Variants in TRAPPC10 observed in about 807,000 individuals in gnomAD.
TRAPPC10 encodes the protein trafficking protein particle complex subunit 10.
A neutral mutation model predicts 125.5 loss-of-function variants in TRAPPC10; 23 were observed. The ratio of observed to expected loss-of-function variants is 0.18; its 90% CI spans 0.13 to 0.26. The LOEUF is 0.26. TRAPPC10 is among the 10% of genes least tolerant of loss of function. The pLI is 1.00. For synonymous variants in TRAPPC10, 509 were observed against 518.0 expected, an observed-to-expected ratio of 0.98 and a Z score of 0.24; for missense variants, 1,123 against 1,308.4, an observed-to-expected ratio of 0.86 and a Z score of 2.19.
intron 1 of TRAPPC10, among the ~76,000 whole-genome samples, chr21:44,022,045 T>C (rs188665865): frequency 6.6e-6 from 1 of 151,646 alleles, no homozygotes; most frequent in East Asian, 1.9e-4. Flanking sequence ...AAAAATTTCT[T>C]TCTTTTTTTT....
chr21:44,080,673 G>T (rs1223847108), intron 13 of TRAPPC10, among the ~76,000 whole-genome samples: 1 of 151,762 alleles, frequency 6.6e-6, no homozygotes, highest in Non-Finnish European at 1.5e-5. Flanking sequence ...AAGTAGCTGG[G>T]GTTACGTGCG....
intron 1 of TRAPPC10, among the ~76,000 whole-genome samples, chr21:44,029,918 A>G (rs934764514): frequency 4.6e-5 from 7 of 152,250 alleles, no homozygotes; most frequent in African/African-American, 1.7e-4. Flanking sequence ...GACACAGTTC[A>G]GCCCATAACA....
chr21:44,016,866 G>A (rs1000181401), intron 1 of TRAPPC10, among the ~76,000 whole-genome samples: 7 of 152,258 alleles, frequency 4.6e-5, no homozygotes, highest in Admixed American at 2.0e-4. Flanking sequence ...CACCGTGTCA[G>A]CCAGGATGGT....
chr21:44,095,435 T>C (rs1426255755), intron 20 of TRAPPC10, among the ~76,000 whole-genome samples: 1 of 151,896 alleles, frequency 6.6e-6, no homozygotes, highest in African/African-American at 2.4e-5. Context: ...GCGGTGTTTC[T>C]CCATGTTGAT....
chr21:44,091,990 G>T lies in TRAPPC10; in HGVS notation c.2938G>T (p.Val980Leu). The change falls in exon 19 of 23, where the codon GTA becomes TTA. Residue 980 changes from valine to leucine, a missense_variant. Around this residue, in one of 4 missense-constraint regions of TRAPPC10, gnomAD observed 840 missense variants for 902.0 expected, o/e 0.93. Transcript: ENST00000291574. ...CTTTCAGCTGTCAGATAGTTATCTT[G>T]TAGATACCGGTGATAGTACCGACCT... ...LDFQLSDSYL[V>L]DTGDSTDLQL... The T allele has an allele frequency of 6.2e-7, 1 of 1,614,144 alleles. No homozygotes were observed. Among genetic ancestry groups the T allele is most frequent in the South Asian group, 1.1e-5 (1 of 91,086 alleles).
At chr21:44,028,922 C>T (rs1031050721) in intron 1 of TRAPPC10, among the ~76,000 whole-genome samples, 3 of 152,194 alleles carry the variant, frequency 2.0e-5, no homozygotes, top group East Asian at 3.8e-4. Flanking sequence ...TAGCCTGGAA[C>T]GTGCTCTGCC....
intron 1 of TRAPPC10, 30 bp from the exon 2 acceptor site, chr21:44,032,060 TG>T: frequency 6.3e-7 from 1 of 1,575,324 alleles, no homozygotes; most frequent in Non-Finnish European, 8.7e-7. Context: ...CCTAAAAATA[TG>T]GTAACTGAAT....
In TRAPPC10 at chr21:44,028,064, C is replaced by T. The variant is rs180766512; in HGVS notation, c.68-4027C>T. On this transcript the variant is annotated intron_variant, in intron 1 of 22. Transcript: ENST00000291574. ...TGAAATGTTACCTGTTACACTAAAT[C>T]ACTGAAGTCATCTTTTTGAATTCTT... 1.7e-3 allele frequency among the ~76,000 whole-genome samples: 254 copies of T among 152,310 alleles called. 1 individual carries two copies. The highest frequency in any genetic ancestry group is 6.8e-3 in the Middle Eastern group (2 of 294).
intron 7 of TRAPPC10, among the ~76,000 whole-genome samples, chr21:44,064,266 T>G (rs919088252): frequency 6.6e-6 from 1 of 152,134 alleles, no homozygotes; most frequent in Non-Finnish European, 1.5e-5. Flanking sequence ...CCCCATTGAT[T>G]AGTAGTACGG....
chr21:44,066,928 A>G (rs982538371), intron 7 of TRAPPC10, among the ~76,000 whole-genome samples: 12 of 152,212 alleles, frequency 7.9e-5, no homozygotes, highest in African/African-American at 2.9e-4. Flanking sequence ...AAAAAGTATG[A>G]TACTTATATA....
In TRAPPC10 at chr21:44,044,820, C is replaced by T. The variant is rs1444771128; in HGVS notation, c.285+6893C>T. 5.9e-5 allele frequency among the ~76,000 whole-genome samples: 9 copies of T among 151,928 alleles called. No individual in the cohort carries two copies. In the South Asian group the frequency reaches 8.3e-4, roughly 14 times the overall value. On this transcript the variant is annotated intron_variant, in intron 3 of 22. Coordinates refer to ENST00000291574, the MANE Select transcript of TRAPPC10 (RefSeq NM_003274.5). ...CTGAGATTACAGGCGTCTGCCACCA[C>T]GCCTGGCTAATTTTTTATATTTTTA...
intron 3 of TRAPPC10, among the ~76,000 whole-genome samples, chr21:44,044,445 G>C (rs1342164036): frequency 2.0e-5 from 3 of 151,658 alleles, no homozygotes; most frequent in African/African-American, 7.3e-5. Context: ...GAGTACATCT[G>C]TAACAGCATA....
chr21:44,079,441 A>G, intron 11 of TRAPPC10, 123 bp from the exon 12 acceptor site: 1 of 1,085,878 alleles, frequency 9.2e-7, no homozygotes, highest in Non-Finnish European at 1.3e-6. Flanking sequence ...AGGGCTATCT[A>G]GAGATGTTGA....
Position 44,074,858 on chromosome 21 carries a change from C to T in TRAPPC10, c.1186-181C>T, listed in dbSNP as rs192629095. 4.9e-4 allele frequency among the ~76,000 whole-genome samples: 74 copies of T among 152,352 alleles called. 1 individual carries two copies. In the Middle Eastern group the frequency reaches 0.02, roughly 42 times the overall value. ...AGGACAGAAGCGGAGGATTCCCACC[C>T]TCCAAGCCTCACTGGGAGCTGTTGT... On this transcript the variant is annotated intron_variant, in intron 8 of 22. Transcript: ENST00000291574.
intron 1 of TRAPPC10, 67 bp downstream of exon 1, chr21:44,012,627 C>T: frequency 7.1e-7 from 1 of 1,403,870 alleles, no homozygotes; most frequent in Non-Finnish European, 9.7e-7. Context: ...CGTTATGCAC[C>T]CGGCGCCCCC....
chr21:44,079,928 C>A, intron 12 of TRAPPC10, 87 bp from the exon 13 acceptor site: 1 of 1,255,878 alleles, frequency 8.0e-7, no homozygotes, highest in Non-Finnish European at 1.1e-6. Flanking sequence ...TTTGAAGCCT[C>A]TGTGAAGGCC....
At chr21:44,095,229 T>TTTTATTTATTTATTTA (rs200168527) in intron 20 of TRAPPC10, among the ~76,000 whole-genome samples, 9 of 150,002 alleles carry the variant, frequency 6.0e-5, no homozygotes, top group African/African-American at 2.2e-4. Flanking sequence ...TTTTATTTTA[T>TTTTATTTATTTATTTA]TTTATTTATT....
rs1034195815 is a variant in TRAPPC10, at chr21:44,063,283, C to T, written c.791-255C>T. On this transcript the variant is annotated intron_variant, in intron 6 of 22. Coordinates refer to ENST00000291574, the MANE Select transcript of TRAPPC10 (RefSeq NM_003274.5). This position sits in a 1 kb window ranked among gnomAD's most constrained non-coding sequence, Gnocchi z 4.4. ...GCCTGTCTGTCTCTGGGTGACTTCC[C>T]AACCTGTTCAGCTCCCGCCCATGAC... The T allele has an allele frequency of 6.6e-5, 80 of 1,212,434 alleles. No individual in the cohort carries two copies. In the African/African-American group the frequency reaches 1.1e-3, roughly 17 times the overall value. The allele number at this position is 1,212,434 out of a possible 1,614,324, so 75.1% of individuals were successfully genotyped here.
chr21:44,064,301 ATATGTGTG>A (rs899500892), intron 7 of TRAPPC10, among the ~76,000 whole-genome samples: 7 of 138,642 alleles, frequency 5.0e-5, no homozygotes, highest in African/African-American at 2.1e-4. Context: ...TATGTCATAA[ATATGTGTG>A]TGTGTGTGTG....
Sources: gnomAD v4.1 joint callset for allele counts (sites outside exome capture counted in the v4.1 genomes callset) on GRCh38, gnomAD v4.1.1 for gene constraint, gnomAD v4.1.1 regional missense constraint, Gnocchi (gnomAD v3.1) non-coding constraint, MANE v1.5 for transcripts, NCBI Gene and HGNC (gene_info 2026-07-23, HGNC 2026-07-21) for gene names.